Variants in CNTN5 observed in about 807,000 individuals in gnomAD.
The protein encoded by CNTN5 is contactin 5.
Under a neutral mutation model 129.1 loss-of-function variants are expected in CNTN5, and 77 were observed. The observed-to-expected ratio is 0.60, with a 90% CI of 0.50 to 0.72. The LOEUF is 0.72. CNTN5 is among the 30% of genes least tolerant of loss of function. The pLI, the probability that CNTN5 is intolerant of heterozygous loss-of-function variation, is 0.00. For missense variants in CNTN5, 1,478 were observed against 1,328.8 expected, an observed-to-expected ratio of 1.11 and a Z score of -1.75; for synonymous variants, 509 against 465.6, an observed-to-expected ratio of 1.09 and a Z score of -1.20.
At chr11:99,989,411 A>G (rs571967556) in intron 8 of CNTN5, among the ~76,000 whole-genome samples, 2 of 152,120 alleles carry the variant, frequency 1.3e-5, no homozygotes, top group African/African-American at 4.8e-5. Flanking sequence ...TCTAAACCAT[A>G]TTCACACACG....
intron 4 of CNTN5, among the ~76,000 whole-genome samples, chr11:99,827,026 C>G (rs889684033): frequency 6.6e-6 from 1 of 152,116 alleles, no homozygotes; most frequent in Non-Finnish European, 1.5e-5. Context: ...AGTCTCTCCA[C>G]ATAGATATAT....
intron 2 of CNTN5, among the ~76,000 whole-genome samples, chr11:99,370,106 A>AT (rs1415210605): frequency 2.4e-4 from 37 of 152,186 alleles, no homozygotes; most frequent in African/African-American, 8.7e-4. Context: ...GTGAAACAAG[A>AT]TAAAAACTAT....
At chr11:99,940,591 T>G (rs979870320) in intron 7 of CNTN5, among the ~76,000 whole-genome samples, 3 of 152,146 alleles carry the variant, frequency 2.0e-5, no homozygotes, top group Non-Finnish European at 4.4e-5. Flanking sequence ...CTTCTACATA[T>G]GCATTTTCAT....
rs182540592 is a variant in CNTN5 at position 99,386,550 on chromosome 11, C to G, written c.-71+61066C>G. On this transcript the variant is annotated intron_variant, in intron 2 of 24. Coordinates refer to ENST00000524871, the MANE Select transcript of CNTN5 (RefSeq NM_014361.4). ...GTCACTCTCATGGCCATCTTGGTTT[C>G]GGTGGGTTTTAGCCGGCTTCTTTAA... Among the ~76,000 whole-genome samples, 515 of 152,120 alleles carry G rather than the reference C, an allele frequency of 3.4e-3. 3 individuals carry two copies. Among genetic ancestry groups the G allele is most frequent in the African/African-American group, 0.011 (473 of 41,490 alleles).
Position 100,284,905 on chromosome 11 carries a change from T to C in CNTN5, c.2315-12720T>C, listed in dbSNP as rs145634216. Reference sequence around the variant, plus strand: ...AAGAAATTGCACCTATAATGAAAGGTTGGAGTTTCAACCTGGATTAACGTT... The same window carrying C: ...AAGAAATTGCACCTATAATGAAAGGCTGGAGTTTCAACCTGGATTAACGTT... On this transcript the variant is annotated intron_variant, in intron 18 of 24. Transcript: ENST00000524871. 5.9e-3 allele frequency among the ~76,000 whole-genome samples: 904 copies of C among 152,308 alleles called. 1 individual carries two copies. The highest frequency in any genetic ancestry group is 9.0e-3 in the Admixed American group (138 of 15,296).
rs916695233 is a variant in CNTN5 at position 99,102,900 on chromosome 11, C to T, written c.-210+81630C>T. On this transcript the variant is annotated intron_variant, in intron 1 of 24. Transcript: ENST00000524871. ...ACTGTATTAGTCCATTTTCACGGTG[C>T]TAATGATGACAGACTGAAGACTGGG... Among the ~76,000 whole-genome samples, 19 of 152,064 alleles carry T rather than the reference C, an allele frequency of 1.2e-4. 1 individual carries two copies. The highest frequency in any genetic ancestry group is 1.2e-3 in the Admixed American group (19 of 15,250).
At chr11:100,113,683 T>G (rs967378021) in intron 13 of CNTN5, among the ~76,000 whole-genome samples, 4 of 151,994 alleles carry the variant, frequency 2.6e-5, no homozygotes, top group African/African-American at 9.7e-5. Flanking sequence ...AACTTCTTAA[T>G]CTAAATGGGT....
intron 6 of CNTN5, among the ~76,000 whole-genome samples, chr11:99,868,678 A>C (rs1236760843): frequency 6.6e-6 from 1 of 152,230 alleles, no homozygotes; most frequent in Non-Finnish European, 1.5e-5. Context: ...GAATGGAAGT[A>C]GGAAGTGGTA....
At chr11:99,166,417 A>AT in intron 1 of CNTN5, among the ~76,000 whole-genome samples, 1 of 149,112 alleles carries the variant, frequency 6.7e-6, no homozygotes, top group Non-Finnish European at 1.5e-5. Flanking sequence ...AAAAAAAAAA[A>AT]GAGTAGTTAT....
chr11:99,953,876 T>C (rs1437274110), intron 7 of CNTN5, among the ~76,000 whole-genome samples: 2 of 152,212 alleles, frequency 1.3e-5, no homozygotes, highest in African/African-American at 4.8e-5. Context: ...ATCCTTTTGT[T>C]GCAATTGCTT....
intron 2 of CNTN5, among the ~76,000 whole-genome samples, chr11:99,342,575 A>AAAAG (rs1866564898): frequency 1.6e-5 from 2 of 127,792 alleles, no homozygotes; most frequent in African/African-American, 5.7e-5. Context: ...TTATCTCAAA[A>AAAAG]AAAAAAAAAA....
In CNTN5 at chr11:100,261,820, C is replaced by T. The variant is rs11223442; in HGVS notation, c.2164+5902C>T. Among the ~76,000 whole-genome samples the T allele has an allele frequency of 4.5e-4, 68 of 152,040 alleles. No homozygotes were observed. In the East Asian group the frequency reaches 0.01, roughly 23 times the overall value. ...ACTCAAGATGGATTTAAGACTTAAA[C>T]GTAAGACCTAAAACCATAAAAACCC... is the stretch of plus-strand genomic sequence containing the variant. On this transcript the variant is annotated intron_variant, in intron 17 of 24. Coordinates refer to ENST00000524871, the MANE Select transcript of CNTN5 (RefSeq NM_014361.4).
intron 3 of CNTN5, among the ~76,000 whole-genome samples, chr11:99,724,997 G>T (rs937738431): frequency 1.3e-5 from 2 of 152,180 alleles, no homozygotes; most frequent in African/African-American, 4.8e-5. Context: ...CTTTGCTTTT[G>T]AGATTAAGTA....
Position 100,350,863 on chromosome 11 carries a change from A to G in CNTN5, c.3192A>G (p.Ser1064=). ...CTAGTTCTCAAATTAGGGTACCATC[A>G]TATTCAGGTAAGTTTTGACACAGTA... is the stretch of plus-strand genomic sequence containing the variant. The part of the protein sequence containing the change: ...GTASSQIRVP[S]YSGGKITSAQ... Residue 1064 remains serine (S), a synonymous_variant, in exon 24 of 25, where the codon TCA becomes TCG. Transcript: ENST00000524871. 6.4e-7 allele frequency: 1 copy of G among 1,567,756 alleles called. No homozygotes were observed. Among genetic ancestry groups the G allele is most frequent in the Non-Finnish European group, 8.7e-7 (1 of 1,152,384 alleles).
intron 7 of CNTN5, among the ~76,000 whole-genome samples, chr11:99,944,038 A>C (rs1275858502): frequency 8.4e-6 from 1 of 119,136 alleles, no homozygotes; most frequent in East Asian, 2.3e-4. Flanking sequence ...GTTCCATATA[A>C]AATTTAAAGT....
intron 8 of CNTN5, among the ~76,000 whole-genome samples, chr11:99,979,659 G>A (rs548792495): frequency 6.6e-6 from 1 of 152,184 alleles, no homozygotes; most frequent in South Asian, 2.1e-4. Flanking sequence ...TATGAACTGA[G>A]TTCTTCATAG....
chr11:99,420,890 T>A (rs1942857677), intron 2 of CNTN5, among the ~76,000 whole-genome samples: 1 of 152,178 alleles, frequency 6.6e-6, no homozygotes, highest in Admixed American at 6.5e-5. Context: ...TCAGTATTCC[T>A]GCCCTTTGCT....
chr11:99,127,284 T>C (rs1328021608), intron 1 of CNTN5, among the ~76,000 whole-genome samples: 1 of 152,206 alleles, frequency 6.6e-6, no homozygotes, highest in Non-Finnish European at 1.5e-5. Context: ...TTTCTTTTTG[T>C]GTCTGTCTTC....
intron 7 of CNTN5, among the ~76,000 whole-genome samples, chr11:99,916,484 G>C (rs912242639): frequency 6.6e-6 from 1 of 152,174 alleles, no homozygotes; most frequent in African/African-American, 2.4e-5. Context: ...TGGAGTATCA[G>C]AGTTGAGTTA....
Sources: allele counts gnomAD v4.1 joint callset (sites outside exome capture counted in the v4.1 genomes callset), GRCh38; gene constraint gnomAD v4.1.1; transcripts MANE v1.5; gene names NCBI Gene and HGNC (gene_info 2026-07-23, HGNC 2026-07-21).